The following CDH18 variants were observed in gnomAD, a reference collection of about 807,000 sequenced individuals.
CDH18 encodes cadherin 18, also known as cadherin-18.
A neutral mutation model predicts 67.9 loss-of-function variants in CDH18; 31 were observed. The ratio of observed to expected loss-of-function variants is 0.46; its 90% confidence interval spans 0.34 to 0.62. The LOEUF (loss-of-function observed/expected upper bound fraction) is 0.62. CDH18 is among the 20% of genes least tolerant of loss of function. The pLI, the probability that CDH18 is intolerant of heterozygous loss-of-function variation, is 0.01. For synonymous variants in CDH18, 362 were observed against 347.2 expected (o/e 1.04, Z -0.48); for missense variants, 890 against 975.5 (o/e 0.91, Z 1.17).
intron 2 of CDH18, among the ~76,000 whole-genome samples, chr5:19,884,802 T>C (rs1788026192): frequency 6.6e-6 from 1 of 152,040 alleles, no homozygotes; most frequent in African/African-American, 2.4e-5. Flanking sequence ...TTTAAATCTT[T>C]ACAAAAATTT....
At chr5:20,067,595 T>C (rs369946209) in intron 2 of CDH18, among the ~76,000 whole-genome samples, 3 of 152,214 alleles carry the variant, frequency 2.0e-5, no homozygotes, top group East Asian at 1.9e-4. Flanking sequence ...TATCTACTTG[T>C]TTCCAATCTC....
intron 5 of CDH18, among the ~76,000 whole-genome samples, chr5:19,695,406 T>C (rs1048109003): frequency 6.6e-6 from 1 of 152,194 alleles, no homozygotes; most frequent in Non-Finnish European, 1.5e-5. Context: ...AGTATCAACT[T>C]GCTACCCAGA....
chr5:19,642,702 C>T (rs1440432341), intron 5 of CDH18, among the ~76,000 whole-genome samples: 1 of 151,874 alleles, frequency 6.6e-6, no homozygotes, highest in Non-Finnish European at 1.5e-5. Flanking sequence ...AAGGTGAGAC[C>T]TGAAACTGTA....
At chr5:20,027,103 C>T (rs1738975397) in intron 2 of CDH18, among the ~76,000 whole-genome samples, 1 of 151,514 alleles carries the variant, frequency 6.6e-6, no homozygotes, top group African/African-American at 2.4e-5. Flanking sequence ...TACCTTGTTG[C>T]TTTTATAAAT....
intron 3 of CDH18, among the ~76,000 whole-genome samples, chr5:19,761,674 A>G (rs1015673958): frequency 6.6e-6 from 1 of 152,196 alleles, no homozygotes; most frequent in Non-Finnish European, 1.5e-5. Flanking sequence ...GCCCAAGGTA[A>G]TTTATAGATT....
At chr5:19,751,625 T>C (rs1358467751) in intron 3 of CDH18, among the ~76,000 whole-genome samples, 2 of 152,040 alleles carry the variant, frequency 1.3e-5, no homozygotes, top group East Asian at 1.9e-4. Context: ...CAAAAATCAA[T>C]CCAACTGTTA....
At chr5:19,804,649 C>G (rs1777848856) in intron 3 of CDH18, among the ~76,000 whole-genome samples, 1 of 152,048 alleles carries the variant, frequency 6.6e-6, no homozygotes, top group African/African-American at 2.4e-5. Flanking sequence ...AATTACTAAC[C>G]AATATAAACA....
At chr5:19,944,682 T>A (rs1383506738) in intron 2 of CDH18, among the ~76,000 whole-genome samples, 8 of 152,186 alleles carry the variant, frequency 5.3e-5, no homozygotes, top group Non-Finnish European at 1.5e-5. Flanking sequence ...TATGGATACA[T>A]ACATGCTATG....
At position 20,182,102 on chromosome 5, in the gene CDH18, G is replaced by C. The variant is rs1014405370; in HGVS notation, c.-518+73342C>G. ...AATCTGGGAAGAAAAATTTGAACTG[G>C]CGAAAGTGGCATTTCACTCCTTCCA... On this transcript the variant is annotated intron_variant, in intron 2 of 14. Coordinates refer to the CDH18 transcript ENST00000507958. Among the ~76,000 whole-genome samples, 22 of 152,114 alleles carry C rather than the reference G, an allele frequency of 1.4e-4. No individual in the cohort carries two copies. In the Middle Eastern group the frequency reaches 0.01, roughly 71 times the overall value.
intron 1 of CDH18, among the ~76,000 whole-genome samples, chr5:20,429,072 C>T (rs1748543147): frequency 7.0e-6 from 1 of 142,892 alleles, no homozygotes; most frequent in Non-Finnish European, 1.6e-5. Context: ...TTTGCTGATA[C>T]CTCTTTTTTT....
chr5:19,708,134 T>C (rs1764200131), intron 5 of CDH18, among the ~76,000 whole-genome samples: 1 of 152,098 alleles, frequency 6.6e-6, no homozygotes, highest in Admixed American at 6.6e-5. Context: ...TGGGAAATAA[T>C]GAAAAAGCAT....
chr5:20,334,733 C>A (rs7712668), intron 1 of CDH18, among the ~76,000 whole-genome samples: 138,380 of 147,058 alleles, frequency 0.94, 64,919 homozygotes, highest in South Asian at 0.98. Context: ...GCTATGATCT[C>A]TCTCTCTCTC....
At chr5:19,676,807 C>T (rs184714929) in intron 5 of CDH18, among the ~76,000 whole-genome samples, 1 of 152,162 alleles carries the variant, frequency 6.6e-6, no homozygotes, top group Non-Finnish European at 1.5e-5. Flanking sequence ...GGAAAAATCA[C>T]AAGAAAGGGG....
At chr5:20,488,692 T>G (rs1402475235) in intron 1 of CDH18, among the ~76,000 whole-genome samples, 2 of 132,210 alleles carry the variant, frequency 1.5e-5, no homozygotes, top group Admixed American at 8.0e-5. Context: ...TATATATATA[T>G]ATATATATAC....
intron 1 of CDH18, among the ~76,000 whole-genome samples, chr5:20,476,538 GA>G (rs1285479504): frequency 6.6e-6 from 1 of 152,060 alleles, no homozygotes; most frequent in African/African-American, 2.4e-5. Context: ...CACTTCTACT[GA>G]AAGAATCCTA....
intron 5 of CDH18, among the ~76,000 whole-genome samples, chr5:19,626,674 A>T (rs1279290745): frequency 1.3e-5 from 2 of 151,728 alleles, no homozygotes; most frequent in Admixed American, 6.6e-5. Context: ...CAACACTGAC[A>T]TTCTAGGAAA....
intron 3 of CDH18, among the ~76,000 whole-genome samples, chr5:19,837,252 C>T (rs577185972): frequency 6.6e-6 from 1 of 151,880 alleles, no homozygotes; most frequent in Non-Finnish European, 1.5e-5. Flanking sequence ...CACACCAGGG[C>T]CTGTCTGGGG....
chr5:20,321,792 C>G (rs1738048593), intron 1 of CDH18, among the ~76,000 whole-genome samples: 1 of 152,020 alleles, frequency 6.6e-6, no homozygotes, highest in Non-Finnish European at 1.5e-5. Flanking sequence ...AGAAAAAATT[C>G]ATTGCACTCA....
At chr5:20,442,136 T>C (rs1330639875) in intron 1 of CDH18, among the ~76,000 whole-genome samples, 1 of 151,828 alleles carries the variant, frequency 6.6e-6, no homozygotes, top group Non-Finnish European at 1.5e-5. Flanking sequence ...TCCGTGGTAT[T>C]TGTTGAGTAA....
Sources: gnomAD v4.1 joint callset for allele counts (sites outside exome capture counted in the v4.1 genomes callset) on GRCh38, gnomAD v4.1.1 for gene constraint, MANE v1.5 for transcripts, NCBI Gene and HGNC (gene_info 2026-07-23, HGNC 2026-07-21) for gene names.